EPB41: variants seen among roughly 807,000 people sequenced by gnomAD.
EPB41 encodes erythrocyte membrane protein band 4.1, also known as protein 4.1.
In EPB41, 65 loss-of-function variants were observed where a neutral mutation model predicts 108.0. The ratio of observed to expected loss-of-function variants is 0.60; its 90% confidence interval spans 0.49 to 0.74. The LOEUF is 0.74. EPB41 is among the 30% of genes least tolerant of loss of function. EPB41 has a pLI of 0.00. For synonymous variants in EPB41, 336 were observed against 358.9 expected (o/e 0.94, Z 0.72); for missense variants, 875 against 1,037.0 (o/e 0.84, Z 2.15).
intron 7 of EPB41, among the ~76,000 whole-genome samples, chr1:29,020,234 A>T (rs904868781): frequency 4.6e-5 from 7 of 151,454 alleles, no homozygotes; most frequent in African/African-American, 1.7e-4. Context: ...CACCTGGCTA[A>T]TTTTTTGTAT....
chr1:29,081,092 A>G (rs1053280499), intron 16 of EPB41, among the ~76,000 whole-genome samples: 1 of 152,192 alleles, frequency 6.6e-6, no homozygotes, highest in African/African-American at 2.4e-5. Flanking sequence ...CTGTGGCCCA[A>G]TAATTAGTTG....
intron 12 of EPB41, among the ~76,000 whole-genome samples, chr1:29,055,192 G>A (rs544936481): frequency 2.0e-5 from 3 of 152,270 alleles, no homozygotes; most frequent in African/African-American, 7.2e-5. Flanking sequence ...TGGTCATCAG[G>A]TTCACTGTCA....
chr1:28,994,950 G>GCGCCCGGC (rs375024441), intron 3 of EPB41, among the ~76,000 whole-genome samples: 7,066 of 116,988 alleles, frequency 0.06, no homozygotes, highest in East Asian at 0.34. Context: ...ATGAGTCACC[G>GCGCCCGGC]CACCCAGCCT....
intron 10 of EPB41, among the ~76,000 whole-genome samples, chr1:29,037,687 C>A (rs1403184862): frequency 1.3e-5 from 2 of 151,426 alleles, no homozygotes; most frequent in African/African-American, 4.9e-5. Context: ...TAGATGCATA[C>A]CACCATGCCC....
At chr1:29,058,411 A>C (rs1645921663) in intron 12 of EPB41, among the ~76,000 whole-genome samples, 178 bp from the exon 13 acceptor site, 1 of 152,244 alleles carries the variant, frequency 6.6e-6, no homozygotes. Context: ...TGGTAAACAC[A>C]GATGACTTTT....
chr1:29,061,575 T>G (rs975452826), intron 15 of EPB41, among the ~76,000 whole-genome samples: 3 of 131,192 alleles, frequency 2.3e-5, no homozygotes, highest in East Asian at 2.4e-4. Flanking sequence ...GGCCTTTGTT[T>G]TTTTTTTTTT....
intron 17 of EPB41, among the ~76,000 whole-genome samples, chr1:29,102,020 C>T (rs1237480879): frequency 6.6e-6 from 1 of 151,992 alleles, no homozygotes; most frequent in African/African-American, 2.4e-5. Flanking sequence ...ATGTGTCAGT[C>T]GAGAGAGACA....
intron 1 of EPB41, among the ~76,000 whole-genome samples, chr1:28,902,949 G>A (rs2147927247): frequency 6.6e-6 from 1 of 152,238 alleles, no homozygotes; most frequent in East Asian, 1.9e-4. Flanking sequence ...AAGGAGTTGG[G>A]TTCTGGACTC....
intron 16 of EPB41, among the ~76,000 whole-genome samples, chr1:29,091,481 C>A (rs1661158272): frequency 6.6e-6 from 1 of 152,170 alleles, no homozygotes; most frequent in Non-Finnish European, 1.5e-5. Flanking sequence ...AGTAGCATAG[C>A]ATCTTAACAA....
At chr1:29,038,105 A>G (rs1036710915) in intron 10 of EPB41, among the ~76,000 whole-genome samples, 4 of 152,220 alleles carry the variant, frequency 2.6e-5, no homozygotes, top group African/African-American at 9.6e-5. Flanking sequence ...CCTTCTATTT[A>G]TATTTTCATA....
At chr1:28,977,108 C>T (rs1245690584) in intron 1 of EPB41, among the ~76,000 whole-genome samples, 1 of 152,114 alleles carries the variant, frequency 6.6e-6, no homozygotes, top group Non-Finnish European at 1.5e-5. Flanking sequence ...CTGCCTTGGC[C>T]TCCCAAAGTG....
chr1:28,895,701 T>C (rs1479685548), intron 1 of EPB41, among the ~76,000 whole-genome samples: 1 of 152,188 alleles, frequency 6.6e-6, no homozygotes. Context: ...TTTGTCAGGC[T>C]GGTCTCGAAC....
chr1:28,969,523 T>C (rs535077318), intron 1 of EPB41, among the ~76,000 whole-genome samples: 45 of 151,668 alleles, frequency 3.0e-4, no homozygotes, highest in African/African-American at 1.1e-3. Context: ...CCCAGCACTT[T>C]AGGAGGCCGA....
intron 2 of EPB41, among the ~76,000 whole-genome samples, chr1:28,992,802 T>G (rs900702515): frequency 1.3e-5 from 2 of 152,210 alleles, no homozygotes; most frequent in African/African-American, 4.8e-5. Flanking sequence ...TTTAACATGA[T>G]TAATATTGGG....
At chr1:29,021,871 C>T (rs964119713) in intron 7 of EPB41, among the ~76,000 whole-genome samples, 2 of 152,178 alleles carry the variant, frequency 1.3e-5, no homozygotes, top group South Asian at 2.1e-4. Context: ...CATGAGCCAT[C>T]GCGCCCGGTG....
chr1:29,075,345 T>C (rs1653548976), intron 16 of EPB41, among the ~76,000 whole-genome samples: 1 of 147,054 alleles, frequency 6.8e-6, no homozygotes, highest in South Asian at 2.2e-4. Flanking sequence ...GAGTGTGGTA[T>C]CAGGCATCTG....
At chr1:29,089,066 C>G (rs1457026063) in intron 16 of EPB41, among the ~76,000 whole-genome samples, 2 of 152,290 alleles carry the variant, frequency 1.3e-5, no homozygotes, top group East Asian at 3.9e-4. Flanking sequence ...TGAGTCTAAA[C>G]ACTAGCTGCT....
intron 16 of EPB41, among the ~76,000 whole-genome samples, chr1:29,082,395 A>G (rs1298755784): frequency 6.6e-6 from 1 of 152,224 alleles, no homozygotes; most frequent in Non-Finnish European, 1.5e-5. Flanking sequence ...AAGTGCTGGG[A>G]TTACAGGCGT....
chr1:28,896,535 A>T (rs1338754082), intron 1 of EPB41, among the ~76,000 whole-genome samples: 1 of 152,246 alleles, frequency 6.6e-6, no homozygotes, highest in African/African-American at 2.4e-5. Flanking sequence ...GTTGGGAAGA[A>T]GATGCAGAAA....
Sources: gnomAD v4.1 joint callset for allele counts (sites outside exome capture counted in the v4.1 genomes callset) on GRCh38, gnomAD v4.1.1 for gene constraint, MANE v1.5 for transcripts, NCBI Gene and HGNC (gene_info 2026-07-23, HGNC 2026-07-21) for gene names.